TMEM132B: variants seen among roughly 807,000 people sequenced by gnomAD.
TMEM132B encodes transmembrane protein 132B.
Under a neutral mutation model 90.8 loss-of-function variants are expected in TMEM132B, and 18 were observed. That is an observed-to-expected ratio of 0.20 (90% CI 0.14 to 0.29). TMEM132B has a LOEUF of 0.29. Ranked by LOEUF, TMEM132B falls within the 10% of genes least tolerant of loss-of-function variation. The pLI is 1.00. For missense variants in TMEM132B, 1,096 were observed against 1,326.8 expected (o/e 0.83, Z 2.70); for synonymous variants, 504 against 523.3 (o/e 0.96, Z 0.50).
At position 125,490,573 on chromosome 12, in the gene TMEM132B, C is replaced by A. The variant is rs1439154785; in HGVS notation, c.1107-28866C>A. Among the ~76,000 whole-genome samples the A allele has an allele frequency of 6.6e-6, 1 of 152,146 alleles. No individual in the cohort carries two copies. On this transcript the variant is annotated intron_variant, in intron 3 of 8. Coordinates refer to ENST00000682704, the MANE Select transcript of TMEM132B (RefSeq NM_001366854.1). The surrounding 1 kb of genome is among the most constrained non-coding windows in gnomAD (Gnocchi z 4.2). ...CTGCCTCCCGGGTTCACACCATTCTCCTGCCTTAGCCTCCCGAGTAGCTCG... is the reference window on the plus strand; with the variant it reads ...CTGCCTCCCGGGTTCACACCATTCTACTGCCTTAGCCTCCCGAGTAGCTCG...
At chr12:125,594,493 C>T (rs1051870839) in intron 5 of TMEM132B, among the ~76,000 whole-genome samples, 1 of 152,164 alleles carries the variant, frequency 6.6e-6, no homozygotes, top group Non-Finnish European at 1.5e-5. Flanking sequence ...TTTACTTTCC[C>T]ACTATCAGGA....
At chr12:125,602,703 A>G (rs1375109529) in intron 5 of TMEM132B, among the ~76,000 whole-genome samples, 2 of 152,218 alleles carry the variant, frequency 1.3e-5, no homozygotes, top group African/African-American at 4.8e-5. Flanking sequence ...ATGATTCTAT[A>G]TTTTTAGAAA....
At chr12:125,464,419 G>A (rs189496551) in intron 3 of TMEM132B, among the ~76,000 whole-genome samples, 2 of 152,202 alleles carry the variant, frequency 1.3e-5, no homozygotes, top group Admixed American at 1.3e-4. Context: ...TTTAAATGTT[G>A]GATGGGTCGA....
At chr12:125,429,445 A>T (rs904332959) in intron 3 of TMEM132B, among the ~76,000 whole-genome samples, 1 of 152,056 alleles carries the variant, frequency 6.6e-6, no homozygotes, top group East Asian at 1.9e-4. Flanking sequence ...ACCTCAGGTG[A>T]TCCGCCTGCC....
intron 4 of TMEM132B, among the ~76,000 whole-genome samples, chr12:125,559,148 T>A (rs547195487): frequency 9.2e-5 from 14 of 152,298 alleles, no homozygotes; most frequent in African/African-American, 2.9e-4. Flanking sequence ...GGAGGATGGC[T>A]TGAGGCCAGG....
chr12:125,273,722 G>C (rs1002315533), intron 1 of TMEM132B, among the ~76,000 whole-genome samples: 2 of 152,202 alleles, frequency 1.3e-5, no homozygotes, highest in Admixed American at 6.5e-5. Context: ...CTAGAGTGCA[G>C]TGGTGCGATC....
In TMEM132B at chr12:125,661,683, C is replaced by T. The variant is rs911150237; in HGVS notation, c.*6973C>T. 1 of 152,102 alleles carries T rather than the reference C, an allele frequency of 6.6e-6. No individual in the cohort carries two copies. The highest frequency in any genetic ancestry group is 1.5e-5 in the Non-Finnish European group (1 of 68,032). The allele number at this position is 152,102 out of a possible 1,614,324, so 9.4% of individuals were successfully genotyped here. On this transcript the variant is annotated 3_prime_UTR_variant, in exon 9 of 9. Transcript: ENST00000682704. ...CATTACAGGGGTCTTCTAGGTATTC[C>T]CCACACATTATTTGTGGGCATAAGC...
At chr12:125,607,884 T>G (rs1304950579) in intron 5 of TMEM132B, among the ~76,000 whole-genome samples, 1 of 152,220 alleles carries the variant, frequency 6.6e-6, no homozygotes, top group African/African-American at 2.4e-5. Context: ...GTCTGACGTT[T>G]CACATAGCAT....
intron 1 of TMEM132B, among the ~76,000 whole-genome samples, chr12:125,300,777 T>A (rs898258571): frequency 1.3e-5 from 2 of 152,184 alleles, no homozygotes; most frequent in Non-Finnish European, 2.9e-5. Context: ...AGGGCATGGC[T>A]GGGATCTGAA....
chr12:125,497,131 T>C (rs961758027), intron 3 of TMEM132B, among the ~76,000 whole-genome samples: 2 of 152,196 alleles, frequency 1.3e-5, no homozygotes, highest in African/African-American at 2.4e-5. Flanking sequence ...AAATCTGCTG[T>C]CCTCCAAGGA....
chr12:125,378,221 G>A (rs950996711), intron 2 of TMEM132B, among the ~76,000 whole-genome samples: 8 of 152,090 alleles, frequency 5.3e-5, no homozygotes, highest in African/African-American at 1.7e-4. Context: ...CTCTTCCTTC[G>A]GCTTGTCACT....
chr12:125,583,611 C>T (rs1171631554), intron 4 of TMEM132B, among the ~76,000 whole-genome samples: 1 of 152,126 alleles, frequency 6.6e-6, no homozygotes, highest in African/African-American at 2.4e-5. Context: ...GAGAATGACC[C>T]TGCACCTGGG....
At chr12:125,307,911 TATATATACTTATATTACTTA>T (rs1876031255) in intron 1 of TMEM132B, among the ~76,000 whole-genome samples, 1 of 126,486 alleles carries the variant, frequency 7.9e-6, no homozygotes, top group Non-Finnish European at 1.6e-5. Flanking sequence ...ATATATTAAG[TATATATACTTATATTACTTA>T]ATATATACTT....
chr12:125,354,372 T>G (rs1302148322), intron 2 of TMEM132B, among the ~76,000 whole-genome samples: 1 of 152,232 alleles, frequency 6.6e-6, no homozygotes, highest in Non-Finnish European at 1.5e-5. Context: ...TACCATTTTC[T>G]TTGAAAATTT....
intron 1 of TMEM132B, chr12:125,301,918 TTGGCTGGG>T (rs1285650081): frequency 1.9e-5 from 1 of 52,006 alleles, no homozygotes; most frequent in Non-Finnish European, 4.6e-5. Flanking sequence ...AAAGAAAAAA[TTGGCTGGG>T]TGCGGTGGCT....
intron 3 of TMEM132B, among the ~76,000 whole-genome samples, chr12:125,510,150 C>T (rs1397217381): frequency 6.6e-6 from 1 of 152,016 alleles, no homozygotes; most frequent in Non-Finnish European, 1.5e-5. Context: ...TGTCTCTGGG[C>T]TTGTCACGGT....
In TMEM132B at chr12:125,383,293, C is replaced by T. The variant is rs555492415; in HGVS notation, c.960-32238C>T. ...ATGGACCACCTTCGTGATTTGTGCT[C>T]GTAGCAACATACCACCCAAACTCTT... On this transcript the variant is annotated intron_variant, in intron 2 of 8. Transcript: ENST00000682704. 5.9e-5 allele frequency among the ~76,000 whole-genome samples: 9 copies of T among 152,064 alleles called. No homozygotes were observed. The East Asian group carries it at 1.6e-3, about 26-fold the overall frequency.
chr12:125,231,198 G>A (rs1873812945), intron 1 of TMEM132B, among the ~76,000 whole-genome samples: 1 of 151,010 alleles, frequency 6.6e-6, no homozygotes, highest in African/African-American at 2.5e-5. Context: ...GTCTTCACGT[G>A]GCTGTCTTCC....
intron 2 of TMEM132B, among the ~76,000 whole-genome samples, chr12:125,396,290 C>G (rs1879167198): frequency 6.6e-6 from 1 of 152,160 alleles, no homozygotes; most frequent in South Asian, 2.1e-4. Context: ...CAGTCTTCCC[C>G]TGAAGCATTT....
Sources: allele counts gnomAD v4.1 joint callset (sites outside exome capture counted in the v4.1 genomes callset), GRCh38; gene constraint gnomAD v4.1.1; non-coding constraint Gnocchi (gnomAD v3.1); transcripts MANE v1.5; gene names NCBI Gene and HGNC (gene_info 2026-07-23, HGNC 2026-07-21).